The following GRIP1 variants were observed in gnomAD, a reference collection of about 807,000 sequenced individuals.
The protein encoded by GRIP1 is glutamate receptor interacting protein 1.
GRIP1 carries 45 observed loss-of-function variants against 129.9 expected under a neutral mutation model. The ratio of observed to expected loss-of-function variants is 0.35; its 90% confidence interval spans 0.27 to 0.44. The LOEUF (loss-of-function observed/expected upper bound fraction) is 0.44, where lower values mean the gene tolerates loss of function less well. Among genes scored for constraint, GRIP1 ranks in the 20% least tolerant of loss-of-function variants. The pLI is 1.00. For synonymous variants in GRIP1, 530 were observed against 520.8 expected (o/e 1.02, Z -0.24); for missense variants, 1,196 against 1,396.8 (o/e 0.86, Z 2.29).
At position 66,728,856 on chromosome 12, in the gene GRIP1, A is replaced by G. The variant is rs141182157; in HGVS notation, c.-420+75197T>C. Among the ~76,000 whole-genome samples the G allele has an allele frequency of 4.4e-3, 675 of 152,202 alleles. 2 individuals carry two copies. Among genetic ancestry groups the G allele is most frequent in the Non-Finnish European group, 6.9e-3 (467 of 68,010 alleles). Reference sequence around the variant, plus strand: ...AAACACTAACAACACTAACCCACAGAATCGCAGCATACATAAAACTAAGGT... The same window carrying G: ...AAACACTAACAACACTAACCCACAGGATCGCAGCATACATAAAACTAAGGT... On this transcript the variant is annotated intron_variant, in intron 1 of 4. Transcript: ENST00000538373.
chr12:67,024,172 C>A (rs2135752956), intron 1 of GRIP1, among the ~76,000 whole-genome samples: 1 of 152,284 alleles, frequency 6.6e-6, no homozygotes, highest in African/African-American at 2.4e-5. Context: ...TTCCATCACT[C>A]ATCACCCTCT....
chr12:66,849,932 T>C (rs926887143), intron 1 of GRIP1, among the ~76,000 whole-genome samples: 5 of 152,180 alleles, frequency 3.3e-5, no homozygotes, highest in East Asian at 1.9e-4. Flanking sequence ...GGTCTGCAGC[T>C]GGAGAGCTCC....
intron 2 of GRIP1, among the ~76,000 whole-genome samples, chr12:66,585,635 G>A (rs1283999863): frequency 7.6e-5 from 11 of 144,624 alleles, no homozygotes; most frequent in East Asian, 2.0e-4. Context: ...GGATGGCTGG[G>A]TCAAATGGTA....
chr12:66,934,350 C>T (rs745722513), intron 1 of GRIP1, among the ~76,000 whole-genome samples: 72 of 152,286 alleles, frequency 4.7e-4, no homozygotes, highest in Admixed American at 8.5e-4. Flanking sequence ...CTCCAAGAAA[C>T]TTTCCCTGAC....
intron 15 of GRIP1, among the ~76,000 whole-genome samples, chr12:66,415,490 A>G (rs1424310444): frequency 6.6e-6 from 1 of 152,204 alleles, no homozygotes; most frequent in African/African-American, 2.4e-5. Context: ...AATTAGTTCA[A>G]CCATTATGAA....
At chr12:66,988,943 T>C (rs1168837377) in intron 1 of GRIP1, among the ~76,000 whole-genome samples, 1 of 152,184 alleles carries the variant, frequency 6.6e-6, no homozygotes, top group Non-Finnish European at 1.5e-5. Flanking sequence ...TAAATGCTGA[T>C]CATAACTTAC....
At chr12:66,834,939 G>C (rs1258021948) in intron 1 of GRIP1, among the ~76,000 whole-genome samples, 1 of 148,450 alleles carries the variant, frequency 6.7e-6, no homozygotes, top group Non-Finnish European at 1.5e-5. Flanking sequence ...AAAAAAAAGG[G>C]GGGGGGGCAG....
intron 1 of GRIP1, among the ~76,000 whole-genome samples, chr12:66,956,481 C>T (rs989599888): frequency 6.6e-6 from 1 of 152,146 alleles, no homozygotes; most frequent in Non-Finnish European, 1.5e-5. Flanking sequence ...TGTACGGTTC[C>T]TCCGTTTCTC....
chr12:67,046,067 A>C (rs1315658493), intron 1 of GRIP1, among the ~76,000 whole-genome samples: 2 of 152,212 alleles, frequency 1.3e-5, no homozygotes, highest in Non-Finnish European at 2.9e-5. Flanking sequence ...TAAAGAGAAG[A>C]GCATCTCACA....
At chr12:66,534,610 C>G (rs374742215) in intron 4 of GRIP1, among the ~76,000 whole-genome samples, 2 of 152,228 alleles carry the variant, frequency 1.3e-5, no homozygotes, top group Admixed American at 6.5e-5. Flanking sequence ...TCCAAGCCCC[C>G]TCTTTCTTTG....
intron 1 of GRIP1, among the ~76,000 whole-genome samples, chr12:66,727,869 C>T (rs760984098): frequency 6.6e-6 from 1 of 152,132 alleles, no homozygotes; most frequent in Admixed American, 6.5e-5. Context: ...TGCTGCTATT[C>T]CAGCCTTCTG....
chr12:66,982,712 A>G (rs531855427), intron 1 of GRIP1, among the ~76,000 whole-genome samples: 9 of 152,298 alleles, frequency 5.9e-5, no homozygotes, highest in African/African-American at 9.6e-5. Context: ...CAAGTCTTCA[A>G]ATGAAACTAC....
intron 1 of GRIP1, among the ~76,000 whole-genome samples, chr12:67,000,399 C>A (rs944125081): frequency 4.6e-5 from 7 of 152,116 alleles, no homozygotes; most frequent in African/African-American, 1.7e-4. Flanking sequence ...ATATTAGCTG[C>A]TACTACTATC....
chr12:66,464,924 T>TAAAGAGGC (rs150479398), intron 8 of GRIP1, among the ~76,000 whole-genome samples: 4 of 147,420 alleles, frequency 2.7e-5, no homozygotes, highest in Admixed American at 2.7e-4. Context: ...TGCAATTTTG[T>TAAAGAGGC]AAAGGGGCAC....
chr12:66,543,195 C>T (rs1443765239), intron 2 of GRIP1, among the ~76,000 whole-genome samples: 1 of 152,064 alleles, frequency 6.6e-6, no homozygotes, highest in Non-Finnish European at 1.5e-5. Flanking sequence ...TACTTATTTC[C>T]TCAGCAGCCT....
In GRIP1 at chr12:66,653,585, G is replaced by A. The variant is rs75765923; in HGVS notation, c.55+25265C>T. Among the ~76,000 whole-genome samples, 330 of 152,280 alleles carry A rather than the reference G, an allele frequency of 2.2e-3. 2 individuals carry two copies. Among genetic ancestry groups the A allele is most frequent in the African/African-American group, 7.5e-3 (313 of 41,550 alleles). On this transcript the variant is annotated intron_variant, in intron 1 of 24. Coordinates refer to ENST00000359742, the MANE Select transcript of GRIP1 (RefSeq NM_001366722.1). Reference sequence around the variant, plus strand: ...TTGGCAGTTTAGCATTTATGTCACTGTGGGAGGATATCGAACCCAAGAAAC... The same window carrying A: ...TTGGCAGTTTAGCATTTATGTCACTATGGGAGGATATCGAACCCAAGAAAC...
intron 7 of GRIP1, among the ~76,000 whole-genome samples, chr12:66,468,874 G>C (rs551608290): frequency 3.3e-5 from 5 of 152,054 alleles, no homozygotes; most frequent in African/African-American, 4.8e-5. Flanking sequence ...GTGTGAGAGA[G>C]AGCATCCACA....
At chr12:66,991,911 T>G (rs61918819) in intron 1 of GRIP1, among the ~76,000 whole-genome samples, 44,893 of 152,136 alleles carry the variant, frequency 0.3, 7,827 homozygotes, top group Non-Finnish European at 0.38. Flanking sequence ...TGGCTTCAAT[T>G]TTAGTAGTTT....
intron 1 of GRIP1, among the ~76,000 whole-genome samples, chr12:66,886,323 A>C (rs1296703939): frequency 6.6e-6 from 1 of 152,174 alleles, no homozygotes; most frequent in Admixed American, 6.5e-5. Flanking sequence ...TTTTAAGGTA[A>C]AAATGCTCAT....
Sources: gnomAD v4.1 joint callset for allele counts (sites outside exome capture counted in the v4.1 genomes callset) on GRCh38, gnomAD v4.1.1 for gene constraint, MANE v1.5 for transcripts, NCBI Gene and HGNC (gene_info 2026-07-23, HGNC 2026-07-21) for gene names.